The following IFNGR2 variants were observed in gnomAD, a reference collection of about 807,000 sequenced individuals.
The protein encoded by IFNGR2 is interferon gamma receptor 2.
A neutral mutation model predicts 41.1 loss-of-function variants in IFNGR2; 15 were observed. That is an observed-to-expected ratio of 0.37 (90% CI 0.24 to 0.56). The LOEUF is 0.56. Ranked by LOEUF, IFNGR2 falls within the 20% of genes least tolerant of loss-of-function variation. The probability of loss-of-function intolerance (pLI) is 0.81; values close to 1 mark genes in which losing one functional copy is unlikely to be tolerated. For missense variants in IFNGR2, 362 were observed against 415.7 expected (o/e 0.87, Z 1.12); for synonymous variants, 161 against 171.6 (o/e 0.94, Z 0.48).
At chr21:33,417,945 C>T (rs1408652151) in intron 2 of IFNGR2, among the ~76,000 whole-genome samples, 2 of 151,576 alleles carry the variant, frequency 1.3e-5, no homozygotes, top group African/African-American at 4.8e-5. Context: ...ATAAACTAAC[C>T]TGTTTCACTT....
intron 1 of IFNGR2, among the ~76,000 whole-genome samples, chr21:33,413,855 CAG>C (rs1428198555): frequency 8.3e-5 from 7 of 84,688 alleles, no homozygotes. Flanking sequence ...TTTTTGGAGA[CAG>C]AGTCTCTCTC....
Position 33,415,049 on chromosome 21 carries a change from C to T in IFNGR2, c.206+29C>T, listed in dbSNP as rs374383118. ...AGCCGGTATTTCTGTTGGATCCTTG[C>T]TGGGAGCTGTGGGGGCATCGTGCGG... On this transcript the variant is annotated intron_variant, in intron 2 of 6. Coordinates refer to ENST00000290219, the MANE Select transcript of IFNGR2 (RefSeq NM_005534.4). 115 of 1,613,486 alleles carry T rather than the reference C, an allele frequency of 7.1e-5. No individual in the cohort carries two copies. The African/African-American group carries it at 1.4e-3, about 20-fold the overall frequency.
intron 2 of IFNGR2, among the ~76,000 whole-genome samples, chr21:33,418,671 T>A: frequency 6.6e-6 from 1 of 152,212 alleles, no homozygotes. Flanking sequence ...GAGCACTTGA[T>A]GGGAGAATTT....
At chr21:33,420,153 T>C (rs2123346730) in intron 2 of IFNGR2, among the ~76,000 whole-genome samples, 1 of 152,260 alleles carries the variant, frequency 6.6e-6, no homozygotes, top group African/African-American at 2.4e-5. Flanking sequence ...CCTTGCAACT[T>C]AAGCGGAAGA....
chr21:33,427,209 G>A (rs145912007), intron 4 of IFNGR2, among the ~76,000 whole-genome samples, 177 bp downstream of exon 4: 36 of 152,192 alleles, frequency 2.4e-4, no homozygotes, highest in African/African-American at 8.4e-4. Flanking sequence ...TTTTCCACTC[G>A]GTTTGCTGAG....
chr21:33,432,062 C>A, intron 4 of IFNGR2, 115 bp from the exon 5 acceptor site: 1 of 967,916 alleles, frequency 1.0e-6, no homozygotes, highest in Non-Finnish European at 1.7e-6. Context: ...CTAAAAATGG[C>A]ATCTTGTTCT....
chr21:33,428,466 G>T (rs563348313), intron 4 of IFNGR2, among the ~76,000 whole-genome samples: 1 of 151,942 alleles, frequency 6.6e-6, no homozygotes, highest in Non-Finnish European at 1.5e-5. Context: ...GGTCTCAAGC[G>T]ATCTGCCCAC....
At position 33,436,935 on chromosome 21, in the gene IFNGR2, G is replaced by A; in HGVS notation, c.987G>A (p.Glu329=). ...CCATTATCTCGTTTCCGGAAAAGGA[G>A]CAAGAAGATGTTCTCCAAACGCTTT... ...SVSIISFPEK[E]QEDVLQTL The change falls in exon 7 of 7, where the codon GAG becomes GAA. Residue 329 remains glutamate, a synonymous_variant. Transcript: ENST00000290219. 1 of 1,613,984 alleles carries A rather than the reference G, an allele frequency of 6.2e-7. No homozygotes were observed. The highest frequency in any genetic ancestry group is 8.5e-7 in the Non-Finnish European group (1 of 1,179,968).
intron 1 of IFNGR2, among the ~76,000 whole-genome samples, chr21:33,413,868 T>C (rs1051257598): frequency 1.1e-4 from 14 of 132,198 alleles, no homozygotes; most frequent in African/African-American, 4.1e-4. Flanking sequence ...AGTCTCTCTC[T>C]GTCGCCCAGA....
intron 1 of IFNGR2, among the ~76,000 whole-genome samples, chr21:33,413,928 G>A (rs1044862854): frequency 6.9e-6 from 1 of 145,502 alleles, no homozygotes; most frequent in African/African-American, 2.6e-5. Flanking sequence ...TGCCTCCTGG[G>A]TTCAAGCGAT....
In IFNGR2 at chr21:33,436,742, T is replaced by C. The variant is rs2040120; in HGVS notation, c.880-86T>C. On this transcript the variant is annotated intron_variant, in intron 6 of 6. Coordinates refer to ENST00000290219, the MANE Select transcript of IFNGR2 (RefSeq NM_005534.4). ...CTCAAAAAAAAAATAAAAATAAAAATAAAATAAAAACAAAAACTAAAGTTA... is the reference window on the plus strand; with the variant it reads ...CTCAAAAAAAAAATAAAAATAAAAACAAAATAAAAACAAAAACTAAAGTTA... The C allele has an allele frequency of 3.7e-3, 4,117 of 1,103,852 alleles. 62 individuals are homozygous for C. Among genetic ancestry groups the C allele is most frequent in the Non-Finnish European group, 4.8e-3 (3,639 of 762,092 alleles). The allele number at this position is 1,103,852 out of a possible 1,614,324, so 68.4% of individuals were successfully genotyped here. A position where few individuals can be genotyped will look rare whatever the true frequency, so the allele number is the denominator to read the frequency against.
At position 33,404,075 on chromosome 21, in the gene IFNGR2, C is replaced by G. The variant is rs560513944; in HGVS notation, c.73+459C>G. On this transcript the variant is annotated intron_variant, in intron 1 of 6. Coordinates refer to ENST00000290219, the MANE Select transcript of IFNGR2 (RefSeq NM_005534.4). Reference sequence around the variant, plus strand: ...GCGTGGCCCCAGTCTCCGAATTTCTCGGAATGAACAACAGCAAATTGAATC... The same window carrying G: ...GCGTGGCCCCAGTCTCCGAATTTCTGGGAATGAACAACAGCAAATTGAATC... 7.2e-5 allele frequency among the ~76,000 whole-genome samples: 11 copies of G among 152,386 alleles called. No individual in the cohort carries two copies. The East Asian group carries it at 1.9e-3, about 27-fold the overall frequency.
intron 6 of IFNGR2, among the ~76,000 whole-genome samples, chr21:33,436,604 C>T (rs1297465506): frequency 6.6e-6 from 1 of 151,796 alleles, no homozygotes; most frequent in African/African-American, 2.4e-5. Context: ...CACCTGTAGT[C>T]CCAGCTACTT....
chr21:33,403,724 G>T lies in IFNGR2; in HGVS notation c.73+108G>T, dbSNP rs1050263259. 21 of 711,602 alleles carry T rather than the reference G, an allele frequency of 3.0e-5. No individual in the cohort carries two copies. The Middle Eastern group carries it at 1.4e-3, about 49-fold the overall frequency. 44.1% of individuals were successfully genotyped at this position (711,602 alleles called of 1,614,324 possible). ...GGGGGGAATCTGCCGGGTGCTCAGA[G>T]TGGGTGGGAATCTGCGGGGTGCTCC... On this transcript the variant is annotated intron_variant, in intron 1 of 6. Coordinates refer to ENST00000290219, the MANE Select transcript of IFNGR2 (RefSeq NM_005534.4).
chr21:33,422,877 C>CAAAAA (rs71194843), intron 3 of IFNGR2, among the ~76,000 whole-genome samples: 74 of 34,934 alleles, frequency 2.1e-3, no homozygotes, highest in Admixed American at 3.7e-3. Flanking sequence ...AACTCCATCT[C>CAAAAA]AAAAAAAAAA....
At chr21:33,421,742 G>A (rs995143161) in intron 3 of IFNGR2, 57 bp downstream of exon 3, 35 of 1,329,222 alleles carry the variant, frequency 2.6e-5, no homozygotes, top group Middle Eastern at 2.4e-4. Flanking sequence ...CTTCACTTGC[G>A]GTATCGACTC....
intron 4 of IFNGR2, among the ~76,000 whole-genome samples, chr21:33,431,108 C>T (rs1309415344): frequency 6.6e-6 from 1 of 152,136 alleles, no homozygotes; most frequent in Non-Finnish European, 1.5e-5. Flanking sequence ...GTCTAGGGTC[C>T]AGTTGTCTCC....
intron 4 of IFNGR2, among the ~76,000 whole-genome samples, chr21:33,430,223 T>C (rs915978456): frequency 6.6e-6 from 1 of 152,216 alleles, no homozygotes; most frequent in African/African-American, 2.4e-5. Context: ...CAAAGGGCAT[T>C]AGTGTTAGGC....
intron 4 of IFNGR2, among the ~76,000 whole-genome samples, chr21:33,431,782 G>A (rs549355287): frequency 6.9e-4 from 105 of 152,270 alleles, no homozygotes; most frequent in African/African-American, 2.5e-3. Flanking sequence ...TGTTGGCCAG[G>A]CTGGTCTCTT....
Sources: allele counts gnomAD v4.1 joint callset (sites outside exome capture counted in the v4.1 genomes callset), GRCh38; gene constraint gnomAD v4.1.1; transcripts MANE v1.5; gene names NCBI Gene and HGNC (gene_info 2026-07-23, HGNC 2026-07-21).